The following ATP2C1 variants were observed in gnomAD, a reference collection of about 807,000 sequenced individuals.
ATP2C1 encodes ATPase secretory pathway Ca2+ transporting 1.
A neutral mutation model predicts 120.5 loss-of-function variants in ATP2C1; 31 were observed. The observed-to-expected ratio is 0.26, with a 90% confidence interval of 0.19 to 0.35. ATP2C1 has a LOEUF of 0.35. ATP2C1 is among the 10% of genes least tolerant of loss of function. ATP2C1 has a pLI of 1.00. For missense variants in ATP2C1, 731 were observed against 1,107.5 expected, an observed-to-expected ratio of 0.66 and a Z score of 4.83; for synonymous variants, 351 against 358.7, an observed-to-expected ratio of 0.98 and a Z score of 0.24.
chr3:130,894,756 A>C lies in ATP2C1; in HGVS notation c.-14A>C, dbSNP rs565793325. On this transcript the variant is annotated 5_prime_UTR_variant, in exon 2 of 28. Transcript: ENST00000510168. The surrounding 1 kb of genome is among the most constrained non-coding windows in gnomAD (Gnocchi z 4.5). ...ACTTTGTAGCCATCAACCCGAGTGC[A>C]GTTTCGATGGAAAATGAAGGTAAAG... 379 of 1,614,180 alleles carry C rather than the reference A, an allele frequency of 2.3e-4. 3 individuals carry two copies. The South Asian group carries it at 4.0e-3, about 17-fold the overall frequency.
At chr3:130,947,361 A>T (rs2060197625) in intron 8 of ATP2C1, among the ~76,000 whole-genome samples, 1 of 152,164 alleles carries the variant, frequency 6.6e-6, no homozygotes, top group South Asian at 2.1e-4. Flanking sequence ...ACAGTTGTAC[A>T]CCCATCACTA....
At chr3:130,915,848 G>A (rs558879950) in intron 2 of ATP2C1, among the ~76,000 whole-genome samples, 2 of 152,162 alleles carry the variant, frequency 1.3e-5, no homozygotes, top group Non-Finnish European at 2.9e-5. Flanking sequence ...CAGTAGTGTG[G>A]TTTTAGATTT....
intron 8 of ATP2C1, among the ~76,000 whole-genome samples, chr3:130,943,255 G>T (rs562807344): frequency 6.6e-6 from 1 of 152,244 alleles, no homozygotes; most frequent in Non-Finnish European, 1.5e-5. Flanking sequence ...TCACTCTGTT[G>T]CCCAGGCTGG....
At chr3:130,903,692 C>G (rs998267300) in intron 2 of ATP2C1, among the ~76,000 whole-genome samples, 1 of 118,508 alleles carries the variant, frequency 8.4e-6, no homozygotes, top group African/African-American at 3.1e-5. Context: ...TTTCCCATTT[C>G]CCCTTTCCCC....
At chr3:130,854,930 T>G (rs1338339945) in intron 1 of ATP2C1, among the ~76,000 whole-genome samples, 1 of 152,214 alleles carries the variant, frequency 6.6e-6, no homozygotes, top group African/African-American at 2.4e-5. Flanking sequence ...AGACTGAATG[T>G]GTCCAAAGAG....
chr3:130,908,115 G>C (rs985480954), intron 2 of ATP2C1, among the ~76,000 whole-genome samples: 1 of 152,096 alleles, frequency 6.6e-6, no homozygotes, highest in Non-Finnish European at 1.5e-5. Flanking sequence ...GAAAATAGAA[G>C]CTTCTGAGTT....
intron 1 of ATP2C1, among the ~76,000 whole-genome samples, chr3:130,857,805 T>A (rs2067890518): frequency 1.3e-5 from 2 of 151,840 alleles, no homozygotes; most frequent in Non-Finnish European, 2.9e-5. Flanking sequence ...TGATGGGGAG[T>A]TTATTAGGAG....
chr3:131,007,175 C>T (rs562431634), downstream of ATP2C1, among the ~76,000 whole-genome samples: 2 of 152,184 alleles, frequency 1.3e-5, no homozygotes, highest in African/African-American at 4.8e-5. Flanking sequence ...AGTTTTTATC[C>T]TTAGAAATCC....
At chr3:130,960,274 G>A (rs1004124295) in intron 12 of ATP2C1, among the ~76,000 whole-genome samples, 7 of 152,276 alleles carry the variant, frequency 4.6e-5, no homozygotes, top group African/African-American at 1.7e-4. Flanking sequence ...ACACAGCAGG[G>A]TAACTTCAGG....
downstream of ATP2C1, among the ~76,000 whole-genome samples, chr3:131,003,814 A>G (rs2062999028): frequency 6.6e-6 from 1 of 152,230 alleles, no homozygotes; most frequent in African/African-American, 2.4e-5. Context: ...GATATACTAT[A>G]TAAGTAAAGT....
At chr3:130,968,825 A>G (rs1428807922) in intron 16 of ATP2C1, among the ~76,000 whole-genome samples, 1 of 152,230 alleles carries the variant, frequency 6.6e-6, no homozygotes, top group African/African-American at 2.4e-5. Context: ...AGGGAAAACA[A>G]CAACATGACT....
intron 2 of ATP2C1, among the ~76,000 whole-genome samples, chr3:130,906,854 C>T (rs2058149190): frequency 6.6e-6 from 1 of 151,982 alleles, no homozygotes; most frequent in African/African-American, 2.4e-5. Flanking sequence ...TTTCTGCACT[C>T]TGACTTCTAA....
At chr3:130,888,118 A>T (rs1338340615) in intron 1 of ATP2C1, among the ~76,000 whole-genome samples, 2 of 152,032 alleles carry the variant, frequency 1.3e-5, no homozygotes, top group Non-Finnish European at 2.9e-5. Context: ...GTGTGTCTAG[A>T]CGTGTCATCT....
chr3:130,969,467 C>G, intron 17 of ATP2C1, 71 bp downstream of exon 17: 6 of 1,216,894 alleles, frequency 4.9e-6, no homozygotes, highest in Non-Finnish European at 7.2e-6. Flanking sequence ...TACTGTCCAC[C>G]TTTGGGTTTA....
intron 1 of ATP2C1, among the ~76,000 whole-genome samples, chr3:130,871,750 G>A (rs965358151): frequency 2.6e-5 from 4 of 152,180 alleles, no homozygotes; most frequent in Non-Finnish European, 2.9e-5. Context: ...GGCCAGGGGC[G>A]GTGGCTCACC....
intron 2 of ATP2C1, among the ~76,000 whole-genome samples, chr3:130,906,709 G>GT (rs2058143120): frequency 6.6e-6 from 1 of 150,514 alleles, no homozygotes; most frequent in Non-Finnish European, 1.5e-5. Flanking sequence ...ATCCTAGGGG[G>GT]TATGAAGTGG....
chr3:130,982,772 G>GA (rs2061826903), intron 20 of ATP2C1, among the ~76,000 whole-genome samples: 1 of 151,862 alleles, frequency 6.6e-6, no homozygotes, highest in East Asian at 1.9e-4. Flanking sequence ...TTTTTGATTA[G>GA]AAAATTTATT....
At chr3:130,951,108 C>G (rs1211182201) in intron 8 of ATP2C1, among the ~76,000 whole-genome samples, 1 of 152,058 alleles carries the variant, frequency 6.6e-6, no homozygotes, top group Non-Finnish European at 1.5e-5. Context: ...TAAATATGAG[C>G]TTGCTAAATA....
chr3:130,912,924 TA>T (rs1329056044), intron 2 of ATP2C1, among the ~76,000 whole-genome samples: 1 of 151,480 alleles, frequency 6.6e-6, no homozygotes. Flanking sequence ...TATGCAGCCA[TA>T]AAAAATGATG....
Sources: gnomAD v4.1 joint callset for allele counts (sites outside exome capture counted in the v4.1 genomes callset) on GRCh38, gnomAD v4.1.1 for gene constraint, Gnocchi (gnomAD v3.1) non-coding constraint, MANE v1.5 for transcripts, NCBI Gene and HGNC (gene_info 2026-07-23, HGNC 2026-07-21) for gene names.